CEP83: variants seen among roughly 807,000 people sequenced by gnomAD.
The protein encoded by CEP83 is centrosomal protein 83, also known as centrosomal protein of 83 kDa.
Under a neutral mutation model 101.9 loss-of-function variants are expected in CEP83, and 70 were observed. The ratio of observed to expected loss-of-function variants is 0.69; its 90% CI spans 0.57 to 0.84. The LOEUF (loss-of-function observed/expected upper bound fraction) is 0.84, where lower values mean the gene tolerates loss of function less well. Ranked by LOEUF, CEP83 falls within the 40% of genes least tolerant of loss-of-function variation. CEP83 has a pLI of 0.00. For synonymous variants in CEP83, 264 were observed against 267.9 expected (o/e 0.99, Z 0.14); for missense variants, 715 against 787.2 (o/e 0.91, Z 1.10).
Position 94,308,891 on chromosome 12 carries a change from A to G in CEP83, c.2028T>C (p.Ser676=), listed in dbSNP as rs1444337388. 1.9e-6 allele frequency: 3 copies of G among 1,612,082 alleles called. No individual in the cohort carries two copies. The highest frequency in any genetic ancestry group is 3.3e-5 in the Admixed American group (2 of 59,982). Residue 676 remains serine, a synonymous_variant, in exon 17 of 17, where the codon TCT becomes TCC. Transcript: ENST00000397809. ...MQEEQHQREL[S]LLRKRLEELE... ...GTTCTTCTAGTCTTTTGCGAAGTAG[A>G]GAGAGTTCCCTTTGATGTTGTTCCT...
intron 11 of CEP83, among the ~76,000 whole-genome samples, chr12:94,348,331 A>G (rs1412336662): frequency 6.6e-6 from 1 of 152,158 alleles, no homozygotes; most frequent in African/African-American, 2.4e-5. Flanking sequence ...CTCTACAACT[A>G]CACAAGAAGC....
At chr12:94,444,170 G>A (rs1184113756) in intron 1 of CEP83, among the ~76,000 whole-genome samples, 4 of 152,170 alleles carry the variant, frequency 2.6e-5, no homozygotes, top group African/African-American at 9.7e-5. Context: ...AGACCGAGGT[G>A]GGCAGATCAC....
At chr12:94,275,840 G>A in the CEP83 span, among the ~76,000 whole-genome samples, 6 of 71,160 alleles carry the variant, frequency 8.4e-5, no homozygotes, top group Admixed American at 9.9e-4. Context: ...GGGCGACAGA[G>A]CGAGACTCCG....
At chr12:94,363,807 G>GT (rs1223299283) in intron 11 of CEP83, among the ~76,000 whole-genome samples, 1 of 151,920 alleles carries the variant, frequency 6.6e-6, no homozygotes, top group African/African-American at 2.4e-5. Flanking sequence ...AATTAGCCAG[G>GT]TATGGTAGCA....
At chr12:94,358,333 C>T (rs1343435038) in intron 11 of CEP83, among the ~76,000 whole-genome samples, 1 of 152,024 alleles carries the variant, frequency 6.6e-6, no homozygotes, top group African/African-American at 2.4e-5. Context: ...GAGGTATGTC[C>T]CTGGTACGGG....
intron 11 of CEP83, among the ~76,000 whole-genome samples, chr12:94,339,453 G>C (rs1396311030): frequency 6.6e-6 from 1 of 152,076 alleles, no homozygotes; most frequent in Non-Finnish European, 1.5e-5. Flanking sequence ...GTGCACACTT[G>C]AAATGTACTT....
At chr12:94,279,549 C>T in the CEP83 span, 38 of 1,614,072 alleles carry the variant, frequency 2.4e-5, no homozygotes, top group East Asian at 4.5e-4. Context: ...TCAATGTTCT[C>T]GACTGTGACA....
intron 6 of CEP83, among the ~76,000 whole-genome samples, chr12:94,397,440 G>A (rs867315230): frequency 6.6e-6 from 1 of 152,122 alleles, no homozygotes; most frequent in South Asian, 2.1e-4. Flanking sequence ...AGAGGCTGCA[G>A]TAAGCCGAGA....
intron 2 of CEP83, among the ~76,000 whole-genome samples, chr12:94,421,599 C>T (rs11833200): frequency 0.17 from 26,185 of 152,116 alleles, 2,394 homozygotes; most frequent in African/African-American, 0.23. Flanking sequence ...AAAATTTACA[C>T]ATAATGAAAT....
the CEP83 span, among the ~76,000 whole-genome samples, chr12:94,281,219 C>T: frequency 6.6e-6 from 1 of 152,166 alleles, no homozygotes; most frequent in South Asian, 2.1e-4. Context: ...GCAGAGGTTG[C>T]AGTGAGCCCA....
chr12:94,303,677 T>C, downstream of CEP83: 1 of 1,267,690 alleles, frequency 7.9e-7, no homozygotes, highest in Non-Finnish European at 1.1e-6. Context: ...CATTGGAATA[T>C]TATAAATTCC....
chr12:94,367,701 C>T (rs2061090167), intron 11 of CEP83, 93 bp downstream of exon 11: 2 of 774,006 alleles, frequency 2.6e-6, no homozygotes. Context: ...GGGTGAAGAG[C>T]ACATGGGAAT....
At chr12:94,305,367 T>C (rs1292395131), downstream of CEP83, 7 of 776,598 alleles carry the variant, frequency 9.0e-6, no homozygotes, top group Non-Finnish European at 4.3e-6. Context: ...CTCTGTGTCG[T>C]TAATTTGTTG....
chr12:94,420,562 G>C (rs1277183159), intron 2 of CEP83, among the ~76,000 whole-genome samples: 1 of 152,104 alleles, frequency 6.6e-6, no homozygotes, highest in African/African-American at 2.4e-5. Flanking sequence ...CCTTATGAGA[G>C]TTTGTTTTGC....
chr12:94,335,592 T>C lies in CEP83; in HGVS notation c.1416A>G (p.Lys472=). 1 of 1,559,374 alleles carries C rather than the reference T, an allele frequency of 6.4e-7. No individual in the cohort carries two copies. Among genetic ancestry groups the C allele is most frequent in the Non-Finnish European group, 8.8e-7 (1 of 1,141,394 alleles). ...EKEKNENSDL[K]QQISSLQIQV... is the part of the protein sequence containing the mutation. ...AAAATCTTCGCTAAAATCATACCTG[T>C]TTTAGGTCAGAATTTTCATTTTTTT... The change falls in exon 12 of 17, where the codon AAA becomes AAG. Residue 472 remains lysine (K), a synonymous_variant. Coordinates refer to ENST00000397809, the MANE Select transcript of CEP83 (RefSeq NM_016122.3).
intron 2 of CEP83, among the ~76,000 whole-genome samples, chr12:94,427,336 C>T (rs1464718708): frequency 6.6e-6 from 1 of 152,190 alleles, no homozygotes; most frequent in Admixed American, 6.5e-5. Flanking sequence ...AACATTATCT[C>T]GATTGGCCTG....
chr12:94,331,900 T>C, intron 13 of CEP83, 71 bp from the exon 14 acceptor site: 1 of 1,423,432 alleles, frequency 7.0e-7, no homozygotes, highest in South Asian at 1.2e-5. Context: ...TTATCACAAG[T>C]ATAAGCAAAC....
the CEP83 span, chr12:94,301,097 G>T: frequency 6.3e-7 from 1 of 1,580,782 alleles, no homozygotes; most frequent in South Asian, 1.1e-5. Context: ...GCAGTCTTAT[G>T]AGTTTGACAT....
At chr12:94,278,637 T>G in the CEP83 span, among the ~76,000 whole-genome samples, 4 of 152,196 alleles carry the variant, frequency 2.6e-5, no homozygotes, top group Admixed American at 1.3e-4. Context: ...GGAAACCATC[T>G]GACTGAGGAT....
Sources: gnomAD v4.1 joint callset for allele counts (sites outside exome capture counted in the v4.1 genomes callset) on GRCh38, gnomAD v4.1.1 for gene constraint, MANE v1.5 for transcripts, NCBI Gene and HGNC (gene_info 2026-07-23, HGNC 2026-07-21) for gene names.